Variants in LPAR1 observed in about 807,000 individuals in gnomAD.
LPAR1 encodes the protein LPA receptor 1.
LPAR1 carries 5 observed loss-of-function variants against 23.8 expected under a neutral mutation model. The observed-to-expected ratio is 0.21, with a 90% confidence interval of 0.11 to 0.44. The LOEUF (loss-of-function observed/expected upper bound fraction) is 0.44. Ranked by LOEUF, LPAR1 falls within the 20% of genes least tolerant of loss-of-function variation. The pLI, the probability that LPAR1 is intolerant of heterozygous loss-of-function variation, is 0.99. For synonymous variants in LPAR1, 160 were observed against 164.7 expected, an observed-to-expected ratio of 0.97 and a Z score of 0.22; for missense variants, 311 against 482.8, an observed-to-expected ratio of 0.64 and a Z score of 3.33.
chr9:110,966,784 T>TA (rs1192819419), intron 4 of LPAR1, among the ~76,000 whole-genome samples: 7 of 152,210 alleles, frequency 4.6e-5, no homozygotes, highest in African/African-American at 1.7e-4. Context: ...GGTTTTCAGA[T>TA]ACCTATTCTG....
intron 5 of LPAR1, among the ~76,000 whole-genome samples, chr9:110,928,167 A>C (rs993147453): frequency 7.9e-5 from 12 of 152,154 alleles, no homozygotes; most frequent in African/African-American, 2.7e-4. Context: ...TTATAATTTA[A>C]TGGTAGTAAA....
chr9:111,013,052 C>A (rs2097365246), intron 2 of LPAR1, among the ~76,000 whole-genome samples: 1 of 152,114 alleles, frequency 6.6e-6, no homozygotes, highest in Non-Finnish European at 1.5e-5. Context: ...TCGCTGATAT[C>A]TGCATTTGCT....
At chr9:110,988,427 T>A (rs2096833011) in intron 2 of LPAR1, among the ~76,000 whole-genome samples, 1 of 152,080 alleles carries the variant, frequency 6.6e-6, no homozygotes, top group African/African-American at 2.4e-5. Context: ...AAGGGACTTG[T>A]ATCCAGAATA....
chr9:110,901,798 G>A (rs185364365), intron 5 of LPAR1, among the ~76,000 whole-genome samples: 11 of 152,260 alleles, frequency 7.2e-5, no homozygotes, highest in African/African-American at 1.7e-4. Flanking sequence ...TTTGTTTACA[G>A]GGAACTATGA....
At chr9:110,890,113 G>C (rs1011799678) in intron 5 of LPAR1, among the ~76,000 whole-genome samples, 1 of 152,048 alleles carries the variant, frequency 6.6e-6, no homozygotes, top group Non-Finnish European at 1.5e-5. Flanking sequence ...ACGAAGAAGA[G>C]ATAACCATAG....
At chr9:110,997,854 G>C (rs368939286) in intron 2 of LPAR1, among the ~76,000 whole-genome samples, 3 of 152,178 alleles carry the variant, frequency 2.0e-5, no homozygotes, top group Non-Finnish European at 4.4e-5. Flanking sequence ...TCCAAAGCTG[G>C]TGCATAAGAT....
At chr9:110,900,689 C>T (rs983238713) in intron 5 of LPAR1, among the ~76,000 whole-genome samples, 1 of 152,144 alleles carries the variant, frequency 6.6e-6, no homozygotes, top group Non-Finnish European at 1.5e-5. Flanking sequence ...ATTTTAAATG[C>T]CCAACAAATG....
intron 4 of LPAR1, among the ~76,000 whole-genome samples, chr9:110,945,798 G>A (rs1380867475): frequency 6.6e-6 from 1 of 152,084 alleles, no homozygotes; most frequent in Non-Finnish European, 1.5e-5. Flanking sequence ...ATGGCTACCT[G>A]TCATCTTCAA....
At chr9:110,953,644 C>T (rs1365991035) in intron 4 of LPAR1, among the ~76,000 whole-genome samples, 1 of 139,724 alleles carries the variant, frequency 7.2e-6, no homozygotes, top group African/African-American at 2.7e-5. Flanking sequence ...GCCTGGGCAA[C>T]AAGAGTGAAA....
At chr9:111,018,952 T>A (rs1385625173) in intron 2 of LPAR1, among the ~76,000 whole-genome samples, 1 of 152,224 alleles carries the variant, frequency 6.6e-6, no homozygotes, top group Non-Finnish European at 1.5e-5. Context: ...ATTCAGACTA[T>A]ATCGCCTTAT....
intron 2 of LPAR1, among the ~76,000 whole-genome samples, chr9:111,009,582 T>C (rs2097287808): frequency 1.3e-5 from 2 of 152,112 alleles, no homozygotes; most frequent in Admixed American, 6.6e-5. Flanking sequence ...AGTGGAAATA[T>C]TTCAGTCCAT....
intron 5 of LPAR1, among the ~76,000 whole-genome samples, chr9:110,938,996 C>A (rs1005470263): frequency 6.6e-6 from 1 of 152,208 alleles, no homozygotes; most frequent in South Asian, 2.1e-4. Context: ...TGGCTGTACA[C>A]TGTTACGCTA....
chr9:110,944,197 C>T (rs1014966082), intron 4 of LPAR1, among the ~76,000 whole-genome samples: 2 of 152,096 alleles, frequency 1.3e-5, no homozygotes, highest in African/African-American at 4.8e-5. Flanking sequence ...GAGGTAGGGT[C>T]CCAAGTAATG....
intron 5 of LPAR1, among the ~76,000 whole-genome samples, chr9:110,930,152 TCCTGAAACACATA>T (rs2094311294): frequency 2.0e-5 from 3 of 152,212 alleles, no homozygotes; most frequent in African/African-American, 7.2e-5. Flanking sequence ...ATCTTTCAGA[TCCTGAAACACATA>T]CACGTCACTG....
chr9:110,962,789 T>C (rs535251056), intron 4 of LPAR1, among the ~76,000 whole-genome samples: 119 of 152,176 alleles, frequency 7.8e-4, no homozygotes, highest in Non-Finnish European at 1.5e-3. Flanking sequence ...AGTGATGTTA[T>C]GCAATTACCA....
chr9:110,909,697 T>A (rs2805384), intron 5 of LPAR1, among the ~76,000 whole-genome samples: 126,410 of 151,944 alleles, frequency 0.83, 53,049 homozygotes, highest in African/African-American at 0.95. Flanking sequence ...GTGATCAGTG[T>A]TCTTTTTGTT....
At chr9:111,017,456 T>C (rs558348795) in intron 2 of LPAR1, among the ~76,000 whole-genome samples, 5 of 152,294 alleles carry the variant, frequency 3.3e-5, no homozygotes, top group South Asian at 4.1e-4. Context: ...TGCAAATCTA[T>C]TACCTCCTAA....
chr9:110,983,912 C>G (rs1457609289), intron 2 of LPAR1, among the ~76,000 whole-genome samples: 1 of 151,910 alleles, frequency 6.6e-6, no homozygotes, highest in Non-Finnish European at 1.5e-5. Context: ...ATTCTACAGC[C>G]AATCAAGCCT....
chr9:110,933,871 CT>C (rs1193268390), intron 5 of LPAR1, among the ~76,000 whole-genome samples: 2 of 152,170 alleles, frequency 1.3e-5, no homozygotes, highest in Non-Finnish European at 2.9e-5. Flanking sequence ...GTTTCTGTTT[CT>C]GTTTAAACGT....
Sources: allele counts gnomAD v4.1 joint callset (sites outside exome capture counted in the v4.1 genomes callset), GRCh38; gene constraint gnomAD v4.1.1; transcripts MANE v1.5; gene names NCBI Gene and HGNC (gene_info 2026-07-23, HGNC 2026-07-21).